IDH3G: variants seen among roughly 807,000 people sequenced by gnomAD.
The protein encoded by IDH3G is isocitrate dehydrogenase [NAD] subunit gamma, mitochondrial.
A neutral mutation model predicts 26.9 loss-of-function variants in IDH3G; 9 were observed. That is an observed-to-expected ratio of 0.34 (90% CI 0.20 to 0.58). IDH3G has a LOEUF of 0.58. Among genes scored for constraint, IDH3G ranks in the 20% least tolerant of loss-of-function variants. The pLI is 0.85. For missense variants in IDH3G, 250 were observed against 372.8 expected, an observed-to-expected ratio of 0.67 and a Z score of 2.71; for synonymous variants, 181 against 160.0, an observed-to-expected ratio of 1.13 and a Z score of -0.99.
intron 1 of IDH3G, 112 bp downstream of exon 1, chrX:153,794,134 C>T: frequency 1.2e-6 from 1 of 855,898 alleles, no homozygotes; most frequent in Non-Finnish European, 1.6e-6. Context: ...AAGCCCTTTC[C>T]CCGCCCCTGG....
At chrX:153,787,754 C>T (rs1380954066) in intron 7 of IDH3G, 69 bp downstream of exon 7, 1 of 1,156,959 alleles carries the variant, frequency 8.6e-7, no homozygotes, top group East Asian at 3.0e-5. Flanking sequence ...GTACACCTGT[C>T]CCTGGTTCCT....
intron 1 of IDH3G, chrX:153,792,283 G>A (rs1057358739): frequency 1.8e-5 from 2 of 112,346 alleles, no homozygotes; most frequent in African/African-American, 6.5e-5. Context: ...CATTTCCTGA[G>A]TGAACAAGCA....
At chrX:153,786,487 G>C in intron 10 of IDH3G, 38 bp from the exon 11 acceptor site, 1 of 1,028,551 alleles carries the variant, frequency 9.7e-7, no homozygotes, top group East Asian at 3.3e-5. Flanking sequence ...GTGGAGGGCA[G>C]AAGGATGCCG....
chrX:153,787,401 G>A, intron 8 of IDH3G, 63 bp downstream of exon 8: 1 of 1,155,501 alleles, frequency 8.7e-7, no homozygotes, highest in Non-Finnish European at 1.2e-6. Flanking sequence ...ATCCCTCAGA[G>A]CAGGCCCAAG....
intron 5 of IDH3G, 118 bp downstream of exon 5, chrX:153,789,594 A>C (rs1011241080): frequency 6.3e-5 from 31 of 492,630 alleles, no homozygotes; most frequent in Non-Finnish European, 1.0e-4. Flanking sequence ...AGCAAGCAAG[A>C]AAGCAGGAAA....
intron 8 of IDH3G, 70 bp downstream of exon 8, chrX:153,787,394 C>A: frequency 8.7e-7 from 1 of 1,151,424 alleles, no homozygotes; most frequent in Non-Finnish European, 1.2e-6. Flanking sequence ...ACCACAAATC[C>A]CTCAGAGCAG....
Position 153,786,344 on chromosome X carries a change from G to A in IDH3G, c.1019+11C>T. ...TGGCCAGGGGCTTGCGGGGCACTGG[G>A]AGCCACTCACTTGAGGTGGTCCAGC... On this transcript the variant is annotated intron_variant, in intron 11 of 12. Coordinates refer to ENST00000217901, the MANE Select transcript of IDH3G (RefSeq NM_004135.4). 8.3e-7 allele frequency: 1 copy of A among 1,206,593 alleles called. No individual in the cohort carries two copies. The highest frequency in any genetic ancestry group is 2.2e-5 in the Admixed American group (1 of 45,922).
Position 153,794,268 on chromosome X carries a change from G to T in IDH3G, c.59C>A (p.Ala20Asp), listed in dbSNP as rs2092123653. ...CACCTCCCAGGGACGGCAGAGAAGG[G>T]CTGGCCCGAGCACCGCCTTCGCGGC... ...GSAAKAVLGP[A>D]LLCRPWEVLG... is the part of the protein sequence containing the mutation. Residue 20 changes from alanine to aspartate, a missense_variant, in exon 1 of 13, where the codon GCC (alanine) becomes GAC (aspartate). Ala to Asp is a moderately radical substitution (Grantham distance 126). Transcript: ENST00000217901. 2.5e-6 allele frequency: 3 copies of T among 1,199,771 alleles called. No individual in the cohort carries two copies. Among genetic ancestry groups the T allele is most frequent in the South Asian group, 3.5e-5 (2 of 56,410 alleles).
rs782365339 is a variant in IDH3G, at chrX:153,790,271, C to T, written c.157G>A (p.Gly53Arg). Residue 53 changes from glycine to arginine, a missense_variant, in exon 4 of 13, where the codon GGG becomes AGG. Gly to Arg is a moderately radical substitution (Grantham distance 125). Transcript: ENST00000217901. ...GGGATCATGGTCACCGTGTGCCGCC[C>T]GCCATACTTAGCGGACGGAGGCTGT... ...QTIPPSAKYG[G>R]RHTVTMIPGD... 4 of 1,211,055 alleles carry T rather than the reference C, an allele frequency of 3.3e-6. No individual in the cohort carries two copies. The highest frequency in any genetic ancestry group is 4.5e-6 in the Non-Finnish European group (4 of 894,519).
chrX:153,790,276 T>C lies in IDH3G; in HGVS notation c.152A>G (p.Tyr51Cys). The change falls in exon 4 of 13, where the codon TAT (tyrosine) becomes TGT (cysteine). Residue 51 changes from tyrosine (Y) to cysteine (C), a missense_variant. Physicochemically the swap from Tyr to Cys is radical, Grantham distance 194. Around this residue, in one of 2 missense-constraint regions of IDH3G, gnomAD observed 201 missense variants for 331.3 expected, o/e 0.61. Transcript: ENST00000217901. ...SEQTIPPSAKYGGRHTVTMIP... is the reference protein window; with the variant it reads ...SEQTIPPSAKCGGRHTVTMIP... ...CATGGTCACCGTGTGCCGCCCGCCA[T>C]ACTTAGCGGACGGAGGCTGTGGGAG... 2.5e-6 allele frequency: 3 copies of C among 1,209,971 alleles called. No individual in the cohort carries two copies. The highest frequency in any genetic ancestry group is 3.4e-6 in the Non-Finnish European group (3 of 893,604).
chrX:153,790,878 G>A, intron 1 of IDH3G, 27 bp from the exon 2 acceptor site: 1 of 1,201,724 alleles, frequency 8.3e-7, no homozygotes, highest in Non-Finnish European at 1.1e-6. Flanking sequence ...GCCAGCGGTT[G>A]GTTTGATGTC....
chrX:153,791,403 C>T (rs2092109186), intron 1 of IDH3G: 2 of 114,148 alleles, frequency 1.8e-5, no homozygotes, highest in East Asian at 2.8e-4. Context: ...AATGGCCCTT[C>T]GGCATTAGAA....
In IDH3G at chrX:153,786,846, A is replaced by G; in HGVS notation, c.879T>C (p.Leu293=). The change falls in exon 10 of 13, where the codon CTT becomes CTC. Residue 293 remains leucine (L), a synonymous_variant. Coordinates refer to ENST00000217901, the MANE Select transcript of IDH3G (RefSeq NM_004135.4). ...VCAGLVGGPG[L]VAGANYGHVY... Reference sequence around the variant, plus strand: ...CATGGCCATAGTTGGCCCCAGCCACAAGGCCTGGGCCCCCGACCAGTCCCG... The same window carrying G: ...CATGGCCATAGTTGGCCCCAGCCACGAGGCCTGGGCCCCCGACCAGTCCCG... 8.3e-7 allele frequency: 1 copy of G among 1,210,180 alleles called. No homozygotes were observed. Among genetic ancestry groups the G allele is most frequent in the Non-Finnish European group, 1.1e-6 (1 of 894,178 alleles).
intron 5 of IDH3G, 112 bp downstream of exon 5, chrX:153,789,600 G>GGAAAGCAAGCAA: frequency 2.0e-6 from 1 of 507,577 alleles, no homozygotes; most frequent in African/African-American, 2.4e-5. Flanking sequence ...CAAGAAAGCA[G>GGAAAGCAAGCAA]GAAAGCAAGC....
chrX:153,790,453 C>T, intron 3 of IDH3G, 111 bp downstream of exon 3: 2 of 951,664 alleles, frequency 2.1e-6, no homozygotes, highest in Admixed American at 4.9e-5. Context: ...CCAGACAGGG[C>T]TGCTCATCCA....
chrX:153,792,737 G>T (rs958870805), intron 1 of IDH3G, among the ~76,000 whole-genome samples: 4 of 112,584 alleles, frequency 3.6e-5, no homozygotes, highest in African/African-American at 3.2e-5. Flanking sequence ...CCCAGAGAGC[G>T]CTCCAGATGG....
At position 153,786,871 on chromosome X, in the gene IDH3G, G is replaced by A. The variant is rs782820935; in HGVS notation, c.854C>T (p.Ala285Val). 3 of 1,210,783 alleles carry A rather than the reference G, an allele frequency of 2.5e-6. No homozygotes were observed. The highest frequency in any genetic ancestry group is 2.2e-6 in the Non-Finnish European group (2 of 894,803). Residue 285 changes from alanine to valine, a missense_variant, in exon 10 of 13, where the codon GCG (alanine) becomes GTG (valine). By Grantham distance (64) the Ala-to-Val change is moderately conservative. This residue lies in a region of IDH3G where 201 missense variants were observed against 331.3 expected (regional missense o/e 0.61). Coordinates refer to ENST00000217901, the MANE Select transcript of IDH3G (RefSeq NM_004135.4). The stretch of plus-strand genomic sequence containing the variant: ...AAGGCCTGGGCCCCCGACCAGTCCC[G>A]CGCAGACATTGTTGACGATGTTGCC... ...LYGNIVNNVC[A>V]GLVGGPGLVA...
At chrX:153,791,116 C>T in intron 1 of IDH3G, 1 of 346,552 alleles carries the variant, frequency 2.9e-6, no homozygotes, top group East Asian at 4.5e-5. Context: ...TCCCTGCCCT[C>T]CCTCCTCTTT....
Position 153,786,396 on chromosome X carries a change from C to T in IDH3G, c.978G>A (p.Thr326=), listed in dbSNP as rs145024822. ...TCATGCAGCTGGCCAGCAGGGTGGC[C>T]GTGGGGTTGGCGATGTTCTTATTGG... ...SIANKNIANP[T]ATLLASCMML... Residue 326 remains threonine (T), a synonymous_variant, in exon 11 of 13, where the codon ACG becomes ACA. Transcript: ENST00000217901. 4.8e-4 allele frequency: 584 copies of T among 1,205,250 alleles called. 3 individuals are homozygous for T. In the African/African-American group the frequency reaches 8.3e-3, roughly 17 times the overall value.
Sources: gnomAD v4.1 joint callset for allele counts (sites outside exome capture counted in the v4.1 genomes callset) on GRCh38, gnomAD v4.1.1 for gene constraint, gnomAD v4.1.1 regional missense constraint, MANE v1.5 for transcripts, NCBI Gene and HGNC (gene_info 2026-07-23, HGNC 2026-07-21) for gene names.